The following TPH2 variants were observed in gnomAD, a reference collection of about 807,000 sequenced individuals.
TPH2 encodes tryptophan hydroxylase 2, also known as tryptophan 5-hydroxylase 2.
TPH2 carries 27 observed loss-of-function variants against 59.1 expected under a neutral mutation model. That is an observed-to-expected ratio of 0.46 (90% confidence interval 0.34 to 0.63). The LOEUF (loss-of-function observed/expected upper bound fraction) is 0.63, where lower values mean the gene tolerates loss of function less well. Among genes scored for constraint, TPH2 ranks in the 30% least tolerant of loss-of-function variants. TPH2 has a pLI of 0.01. For synonymous variants in TPH2, 220 were observed against 210.5 expected, an observed-to-expected ratio of 1.05 and a Z score of -0.39; for missense variants, 523 against 588.3, an observed-to-expected ratio of 0.89 and a Z score of 1.15.
intron 7 of TPH2, among the ~76,000 whole-genome samples, chr12:71,980,366 G>GA (rs1291143755): frequency 6.6e-6 from 1 of 152,162 alleles, no homozygotes; most frequent in East Asian, 1.9e-4. Context: ...GAGCAGAGAA[G>GA]CTTTTGAGGT....
At chr12:71,961,466 T>C in intron 5 of TPH2, 1 of 1,219,158 alleles carries the variant, frequency 8.2e-7, no homozygotes, top group Non-Finnish European at 1.1e-6. Context: ...GCCTAGTAGT[T>C]AGCTGTGTTC....
chr12:71,987,252 C>T (rs1027636409), intron 7 of TPH2, among the ~76,000 whole-genome samples: 1 of 152,192 alleles, frequency 6.6e-6, no homozygotes, highest in African/African-American at 2.4e-5. Flanking sequence ...CTTGGATTCA[C>T]TTCTATTTGG....
At chr12:72,001,438 T>C (rs979357772) in intron 8 of TPH2, among the ~76,000 whole-genome samples, 1 of 152,020 alleles carries the variant, frequency 6.6e-6, no homozygotes, top group East Asian at 1.9e-4. Flanking sequence ...CTTTTTTTTT[T>C]TTTTTGAGAC....
At chr12:71,997,309 A>G (rs1031333891) in intron 8 of TPH2, among the ~76,000 whole-genome samples, 1 of 152,138 alleles carries the variant, frequency 6.6e-6, no homozygotes, top group Admixed American at 6.5e-5. Context: ...ATTTATGATA[A>G]TCTTCCCGTC....
At position 71,941,625 on chromosome 12, in the gene TPH2, C is replaced by T. The variant is rs1871070488; in HGVS notation, c.147C>T (p.Asn49=). The change falls in exon 2 of 11, where the codon AAC becomes AAT. Residue 49 remains asparagine (N), a synonymous_variant. Coordinates refer to ENST00000333850, the MANE Select transcript of TPH2 (RefSeq NM_173353.4). ...CTGGCAAAAATGACGACAAAGGCAA[C>T]AAGGGAAGCAGCAAACGTGAAGCTG... ...PNSGKNDDKG[N]KGSSKREAAT... The T allele has an allele frequency of 6.2e-7, 1 of 1,613,926 alleles. No individual in the cohort carries two copies. The highest frequency in any genetic ancestry group is 1.1e-5 in the South Asian group (1 of 91,080).
intron 8 of TPH2, among the ~76,000 whole-genome samples, chr12:72,019,777 T>C (rs184469007): frequency 2.6e-5 from 4 of 152,278 alleles, no homozygotes; most frequent in African/African-American, 9.6e-5. Flanking sequence ...TGGCATGTAA[T>C]AGTTGCTCAA....
At chr12:71,962,412 G>A in intron 5 of TPH2, 1 of 985,400 alleles carries the variant, frequency 1.0e-6, no homozygotes, top group Non-Finnish European at 1.2e-6. Flanking sequence ...TTCTTTCCTG[G>A]TGAAAATTTT....
intron 5 of TPH2, among the ~76,000 whole-genome samples, chr12:71,969,954 C>A (rs1166841077): frequency 6.6e-6 from 1 of 152,142 alleles, no homozygotes; most frequent in Non-Finnish European, 1.5e-5. Flanking sequence ...TGGGCCAATT[C>A]ATATAAAAAC....
chr12:72,008,189 C>G (rs545911407), intron 8 of TPH2, among the ~76,000 whole-genome samples: 1 of 152,150 alleles, frequency 6.6e-6, no homozygotes, highest in African/African-American at 2.4e-5. Context: ...AGGCTTCTCT[C>G]AGCAGTCAAA....
intron 7 of TPH2, 56 bp from the exon 8 acceptor site, chr12:71,994,383 C>T (rs1872644334): frequency 6.2e-7 from 1 of 1,603,332 alleles, no homozygotes; most frequent in Non-Finnish European, 8.5e-7. Context: ...CTTGTTCTAC[C>T]AGTGGTAATT....
At chr12:71,983,445 T>C (rs762131410) in intron 7 of TPH2, among the ~76,000 whole-genome samples, 10 of 152,076 alleles carry the variant, frequency 6.6e-5, no homozygotes, top group Non-Finnish European at 1.0e-4. Context: ...TCTCACTCAC[T>C]GGAATGAGAG....
At chr12:72,012,352 CACGAATCAG>C (rs1283760584) in intron 8 of TPH2, among the ~76,000 whole-genome samples, 1 of 152,060 alleles carries the variant, frequency 6.6e-6, no homozygotes, top group Non-Finnish European at 1.5e-5. Flanking sequence ...GCCAGATGGA[CACGAATCAG>C]ACGAAGGGGC....
intron 5 of TPH2, among the ~76,000 whole-genome samples, chr12:71,951,704 G>GCA (rs1403949140): frequency 1.7e-4 from 25 of 145,058 alleles, no homozygotes; most frequent in African/African-American, 5.9e-4. Flanking sequence ...GTGTGTGCAT[G>GCA]TGTGTGTGTG....
At chr12:71,994,308 C>T (rs1169362626) in intron 7 of TPH2, 131 bp from the exon 8 acceptor site, 2 of 951,722 alleles carry the variant, frequency 2.1e-6, no homozygotes, top group Admixed American at 1.9e-5. Flanking sequence ...TTAAGAAGTC[C>T]CAGCATTGAT....
intron 5 of TPH2, chr12:71,961,907 A>T: frequency 9.3e-7 from 1 of 1,077,756 alleles, no homozygotes; most frequent in Non-Finnish European, 1.1e-6. Flanking sequence ...CAGCACCAAT[A>T]TTAACAACGC....
At chr12:71,957,417 G>C (rs575344793) in intron 5 of TPH2, among the ~76,000 whole-genome samples, 8 of 142,832 alleles carry the variant, frequency 5.6e-5, no homozygotes, top group Non-Finnish European at 1.2e-4. Flanking sequence ...GGTCACTGCA[G>C]CCTCCACCTC....
intron 7 of TPH2, 52 bp downstream of exon 7, chr12:71,979,139 T>A (rs1304094772): frequency 6.2e-7 from 1 of 1,610,182 alleles, no homozygotes. Flanking sequence ...TGGTCAATGA[T>A]CCCTTTACTT....
At chr12:71,983,753 GAGAC>G (rs963587233) in intron 7 of TPH2, among the ~76,000 whole-genome samples, 20 of 151,758 alleles carry the variant, frequency 1.3e-4, no homozygotes, top group Non-Finnish European at 1.5e-4. Flanking sequence ...GAGAGAGAGA[GAGAC>G]AGACAGACAG....
chr12:71,991,578 T>C (rs544926354), intron 7 of TPH2, among the ~76,000 whole-genome samples: 8 of 152,194 alleles, frequency 5.3e-5, no homozygotes, highest in Non-Finnish European at 1.2e-4. Context: ...AGCATTTACA[T>C]CATGAGCCAC....
Sources: allele counts gnomAD v4.1 joint callset (sites outside exome capture counted in the v4.1 genomes callset), GRCh38; gene constraint gnomAD v4.1.1; transcripts MANE v1.5; gene names NCBI Gene and HGNC (gene_info 2026-07-23, HGNC 2026-07-21).